The following PAX7 variants were observed in gnomAD, a reference collection of about 807,000 sequenced individuals.
The protein encoded by PAX7 is paired box 7.
A neutral mutation model predicts 50.7 loss-of-function variants in PAX7; 18 were observed. The observed-to-expected ratio is 0.36, with a 90% CI of 0.25 to 0.53. The LOEUF (loss-of-function observed/expected upper bound fraction) is 0.53, where lower values mean the gene tolerates loss of function less well. PAX7 is among the 20% of genes least tolerant of loss of function. The pLI is 0.93. For synonymous variants in PAX7, 310 were observed against 290.4 expected (o/e 1.07, Z -0.69); for missense variants, 644 against 702.9 (o/e 0.92, Z 0.95).
chr1:18,736,069 C>G, intron 8 of PAX7, 191 bp downstream of exon 8: 1 of 1,058,828 alleles, frequency 9.4e-7, no homozygotes, highest in Non-Finnish European at 1.4e-6. Flanking sequence ...AAACCCAGGA[C>G]ATCTCCTGGC....
intron 7 of PAX7, among the ~76,000 whole-genome samples, chr1:18,712,332 C>G (rs538334845): frequency 6.6e-6 from 1 of 152,352 alleles, no homozygotes; most frequent in East Asian, 1.9e-4. Context: ...AGCTCCTCAC[C>G]AAACAAAACC....
In PAX7 at chr1:18,726,373, C is replaced by G. The variant is rs947106127; in HGVS notation, c.1156-9259C>G. On this transcript the variant is annotated intron_variant, in intron 7 of 8. Coordinates refer to ENST00000420770, the MANE Select transcript of PAX7 (RefSeq NM_001135254.2). This position sits in a 1 kb window ranked among gnomAD's most constrained non-coding sequence, Gnocchi z 4.8. ...TTCTTTTCCTCCAACCAACTCTGTG[C>G]TAGATCCTGTGCTCAGGATAAAAAG... 6.6e-6 allele frequency among the ~76,000 whole-genome samples: 1 copy of G among 152,218 alleles called. No homozygotes were observed. The highest frequency in any genetic ancestry group is 2.4e-5 in the African/African-American group (1 of 41,458).
At chr1:18,654,012 A>G (rs1329272559) in intron 4 of PAX7, among the ~76,000 whole-genome samples, 6 of 151,600 alleles carry the variant, frequency 4.0e-5, no homozygotes, top group Admixed American at 6.6e-5. Context: ...GTCGCAGGAG[A>G]GCCTTTCTTT....
Position 18,735,893 on chromosome 1 carries a change from C to G in PAX7, c.1402+15C>G, listed in dbSNP as rs2089706743. On this transcript the variant is annotated intron_variant, in intron 8 of 8. Coordinates refer to ENST00000420770, the MANE Select transcript of PAX7 (RefSeq NM_001135254.2). This position sits in a 1 kb window ranked among gnomAD's most constrained non-coding sequence, Gnocchi z 4.0. ...GTACGGCCAGAGTGAGTGCCTGGTG[C>G]CCTGGGCGTCCCCCGTCCCCATTCC... 1.2e-6 allele frequency: 2 copies of G among 1,614,034 alleles called. No homozygotes were observed. The highest frequency in any genetic ancestry group is 1.7e-6 in the Non-Finnish European group (2 of 1,180,006).
chr1:18,739,641 G>A (rs1019332732), intron 8 of PAX7, among the ~76,000 whole-genome samples: 13 of 152,190 alleles, frequency 8.5e-5, no homozygotes, highest in Non-Finnish European at 4.4e-5. Flanking sequence ...CTGGTTCCTG[G>A]AGAGCCACCT....
intron 4 of PAX7, among the ~76,000 whole-genome samples, chr1:18,644,911 T>C (rs994302666): frequency 3.9e-5 from 6 of 152,230 alleles, no homozygotes; most frequent in African/African-American, 9.6e-5. Context: ...GCAAAAATTT[T>C]TGGAGCACCT....
chr1:18,663,811 A>G (rs2100211720), intron 4 of PAX7, among the ~76,000 whole-genome samples: 1 of 152,364 alleles, frequency 6.6e-6, no homozygotes, highest in Non-Finnish European at 1.5e-5. Context: ...GCCTGTGGTG[A>G]AAGATACGTG....
intron 7 of PAX7, among the ~76,000 whole-genome samples, chr1:18,729,204 T>C (rs1487532824): frequency 6.6e-6 from 1 of 152,172 alleles, no homozygotes; most frequent in Non-Finnish European, 1.5e-5. Flanking sequence ...GCTCTGAAAA[T>C]ATCTCCTCTT....
chr1:18,635,141 A>G lies in PAX7; in HGVS notation c.352A>G (p.Ile118Val), dbSNP rs780858389. ...QVATPDVEKK[I>V]EEYKRENPGM... ...GGCGACTCCGGATGTAGAGAAAAAG[A>G]TTGAGGAGTACAAGAGGGAAAACCC... The change falls in exon 3 of 9, where the codon ATT becomes GTT. Residue 118 changes from isoleucine (I) to valine (V), a missense_variant. Transcript: ENST00000420770. 2.5e-6 allele frequency: 4 copies of G among 1,613,952 alleles called. No individual in the cohort carries two copies. Among genetic ancestry groups the G allele is most frequent in the Non-Finnish European group, 3.4e-6 (4 of 1,179,904 alleles).
chr1:18,727,257 C>T (rs1202666731), intron 7 of PAX7, among the ~76,000 whole-genome samples: 2 of 142,044 alleles, frequency 1.4e-5, no homozygotes, highest in Admixed American at 1.4e-4. Context: ...GCATACAACA[C>T]ACACACACAG....
intron 4 of PAX7, among the ~76,000 whole-genome samples, chr1:18,658,758 G>A (rs1339219632): frequency 6.6e-6 from 1 of 152,218 alleles, no homozygotes; most frequent in African/African-American, 2.4e-5. Context: ...CTGACCCCAA[G>A]GACACGTGGC....
At chr1:18,670,417 C>T (rs1372478105) in intron 4 of PAX7, among the ~76,000 whole-genome samples, 3 of 152,114 alleles carry the variant, frequency 2.0e-5, no homozygotes, top group African/African-American at 7.2e-5. Flanking sequence ...GCCCAGGGTG[C>T]CAAAGACATT....
intron 4 of PAX7, among the ~76,000 whole-genome samples, chr1:18,665,208 G>C (rs895567476): frequency 6.6e-6 from 1 of 152,082 alleles, no homozygotes; most frequent in Non-Finnish European, 1.5e-5. Flanking sequence ...GAGAGGGGTG[G>C]AGGATGTCCC....
intron 3 of PAX7, among the ~76,000 whole-genome samples, chr1:18,635,468 G>A (rs1293817422): frequency 2.5e-5 from 3 of 119,218 alleles, no homozygotes; most frequent in East Asian, 4.4e-4. Flanking sequence ...AGTTAAGAAA[G>A]GAGAGAGAAA....
At chr1:18,708,775 A>G (rs1236346626) in intron 7 of PAX7, among the ~76,000 whole-genome samples, 24 of 151,992 alleles carry the variant, frequency 1.6e-4, no homozygotes, top group Admixed American at 1.5e-3. Context: ...TGGGGAAGAC[A>G]CAGCCCCTGT....
In PAX7 at chr1:18,735,694, C is replaced by G; in HGVS notation, c.1218C>G (p.Ile406Met). 6.2e-7 allele frequency: 1 copy of G among 1,614,166 alleles called. No individual in the cohort carries two copies. Among genetic ancestry groups the G allele is most frequent in the Non-Finnish European group, 8.5e-7 (1 of 1,180,030 alleles). ...VPPQPQADFS[I>M]SPLHGGLDSA... ...CGCAGCCACAGGCTGACTTCTCCAT[C>G]TCCCCGCTGCATGGCGGCCTGGACT... Residue 406 changes from isoleucine to methionine, a missense_variant, in exon 8 of 9, where the codon ATC becomes ATG. Transcript: ENST00000420770. This position sits in a 1 kb window ranked among gnomAD's most constrained non-coding sequence, Gnocchi z 4.0.
intron 7 of PAX7, among the ~76,000 whole-genome samples, chr1:18,734,883 C>T (rs951589176): frequency 5.9e-5 from 9 of 152,176 alleles, no homozygotes; most frequent in African/African-American, 1.4e-4. Context: ...AAGTGAACAC[C>T]TGGACCTCCA....
rs2089099893 is a variant in PAX7 at position 18,693,136 on chromosome 1, C to T, written c.786+1183C>T. Among the ~76,000 whole-genome samples, 4 of 152,194 alleles carry T rather than the reference C, an allele frequency of 2.6e-5. No homozygotes were observed. The South Asian group carries it at 8.3e-4, about 32-fold the overall frequency. On this transcript the variant is annotated intron_variant, in intron 5 of 8. Transcript: ENST00000420770. ...GCTGTCTTCTGCATGGATTGGGAGGCATAGAGAGAGGGGAAAGATCCCCAT... is the reference window on the plus strand; with the variant it reads ...GCTGTCTTCTGCATGGATTGGGAGGTATAGAGAGAGGGGAAAGATCCCCAT...
Position 18,746,207 on chromosome 1 carries a change from T to C in PAX7, c.*1278T>C, listed in dbSNP as rs1373642552. On this transcript the variant is annotated 3_prime_UTR_variant, in exon 9 of 9. Coordinates refer to ENST00000420770, the MANE Select transcript of PAX7 (RefSeq NM_001135254.2). ...AATTGCTGTCCTGCTCAGAGTGGCATCTTTCAATGTTGCCTCCATCTTGGC... is the reference window on the plus strand; with the variant it reads ...AATTGCTGTCCTGCTCAGAGTGGCACCTTTCAATGTTGCCTCCATCTTGGC... The C allele has an allele frequency of 1.3e-5, 3 of 231,500 alleles. No individual in the cohort carries two copies. The East Asian group carries it at 1.8e-4, about 14-fold the overall frequency. The allele number at this position is 231,500 out of a possible 1,614,324, so 14.3% of individuals were successfully genotyped here. A position where few individuals can be genotyped will look rare whatever the true frequency, so the allele number is the denominator to read the frequency against.
Sources: allele counts gnomAD v4.1 joint callset (sites outside exome capture counted in the v4.1 genomes callset), GRCh38; gene constraint gnomAD v4.1.1; non-coding constraint Gnocchi (gnomAD v3.1); transcripts MANE v1.5; gene names NCBI Gene and HGNC (gene_info 2026-07-23, HGNC 2026-07-21).